Variants in OR2L5 observed in about 807,000 individuals in gnomAD.
OR2L5 encodes olfactory receptor 2L5.
For missense variants in OR2L5, 413 were observed against 381.6 expected (o/e 1.08, Z -0.69); for synonymous variants, 169 against 142.0 (o/e 1.19, Z -1.35).
Position 248,022,626 on chromosome 1 carries a change from A to T in OR2L5, c.679A>T (p.Met227Leu). Residue 227 changes from methionine to leucine, a missense_variant, in exon 2 of 2, where the codon ATG becomes TTG. By Grantham distance (15) the Met-to-Leu change is conservative (BLOSUM62 2). Transcript: ENST00000355281. ...YGWVLLAVYR[M>L]HSAEGRKKAY... ...CTGGGTTCTCCTTGCTGTCTACCGC[A>T]TGCACTCTGCAGAAGGGAGGAAAAA... is the stretch of plus-strand genomic sequence containing the variant. 1 of 1,614,106 alleles carries T rather than the reference A, an allele frequency of 6.2e-7. No individual in the cohort carries two copies. The highest frequency in any genetic ancestry group is 8.5e-7 in the Non-Finnish European group (1 of 1,179,998).
chr1:248,017,265 T>C (rs1196632475), intron 1 of OR2L5, among the ~76,000 whole-genome samples: 1 of 152,192 alleles, frequency 6.6e-6, no homozygotes, highest in Non-Finnish European at 1.5e-5. Flanking sequence ...CCTGTTTGGA[T>C]TTATTTTTAC....
chr1:248,022,106 T>A lies in OR2L5; in HGVS notation c.159T>A (p.His53Gln). Residue 53 changes from histidine (H) to glutamine (Q), a missense_variant, in exon 2 of 2, where the codon CAT becomes CAA. Physicochemically the swap from His to Gln is conservative, Grantham distance 24 (BLOSUM62 0). Transcript: ENST00000355281. ...TTCTTCTCATCTTCTTGGACACCCATCTCCACACACCCATGTATTTCCTGC... is the reference window on the plus strand; with the variant it reads ...TTCTTCTCATCTTCTTGGACACCCAACTCCACACACCCATGTATTTCCTGC... ...SMILLIFLDT[H>Q]LHTPMYFLLS... 1.9e-6 allele frequency: 3 copies of A among 1,613,916 alleles called. No individual in the cohort carries two copies. In the Admixed American group the frequency reaches 5.0e-5, roughly 27 times the overall value.
At chr1:248,019,738 T>A (rs1176273689) in intron 1 of OR2L5, among the ~76,000 whole-genome samples, 2 of 105,140 alleles carry the variant, frequency 1.9e-5, no homozygotes, top group African/African-American at 7.7e-5. Flanking sequence ...CCTTCCTTCC[T>A]TCTCCTTCTC....
At chr1:248,021,644 A>G (rs1017624278) in intron 1 of OR2L5, among the ~76,000 whole-genome samples, 3 of 152,230 alleles carry the variant, frequency 2.0e-5, no homozygotes, top group African/African-American at 7.2e-5. Flanking sequence ...CAGTACAACG[A>G]GGTATTTTGA....
chr1:248,017,761 GA>G (rs1267240817), intron 1 of OR2L5, among the ~76,000 whole-genome samples: 2 of 152,124 alleles, frequency 1.3e-5, no homozygotes, highest in African/African-American at 4.8e-5. Flanking sequence ...CTCCTAGTGG[GA>G]TGGAGTTCTG....
intron 1 of OR2L5, among the ~76,000 whole-genome samples, chr1:248,019,042 G>A (rs1281221122): frequency 6.6e-6 from 1 of 152,034 alleles, no homozygotes; most frequent in Non-Finnish European, 1.5e-5. Flanking sequence ...TGATTTCTCT[G>A]TGGACGGACA....
At chr1:248,016,968 G>T (rs1662214774) in intron 1 of OR2L5, among the ~76,000 whole-genome samples, 1 of 152,074 alleles carries the variant, frequency 6.6e-6, no homozygotes, top group South Asian at 2.1e-4. Flanking sequence ...CTGACATATT[G>T]CAAGTGCCAG....
At position 248,022,198 on chromosome 1, in the gene OR2L5, T is replaced by C; in HGVS notation, c.251T>C (p.Phe84Ser). Residue 84 changes from phenylalanine (F) to serine (S), a missense_variant, in exon 2 of 2, where the codon TTT becomes TCT. Phe to Ser is a radical substitution (Grantham distance 155, BLOSUM62 -2). Transcript: ENST00000355281. ...ATTGTTCCTAAGATGGCTTCTGATT[T>C]TCTGTATGGAAACAAGTCTATCTCC... ...STIVPKMASD[F>S]LYGNKSISFI... 2 of 1,614,128 alleles carry C rather than the reference T, an allele frequency of 1.2e-6. No individual in the cohort carries two copies. Among genetic ancestry groups the C allele is most frequent in the South Asian group, 1.1e-5 (1 of 91,080 alleles).
chr1:248,023,079 T>C lies in OR2L5; in HGVS notation c.*193T>C. 1.9e-6 allele frequency: 1 copy of C among 517,212 alleles called. No individual in the cohort carries two copies. Among genetic ancestry groups the C allele is most frequent in the South Asian group, 3.8e-5 (1 of 26,576 alleles). 32.0% of individuals were successfully genotyped at this position (517,212 alleles called of 1,614,324 possible). ...ATTTTGTTTCTGTTTGTGTTTCTTT[T>C]TATCAAAAGACAGATCATATATTTT... On this transcript the variant is annotated 3_prime_UTR_variant, in exon 2 of 2. Coordinates refer to ENST00000355281, the MANE Select transcript of OR2L5 (RefSeq NM_001258284.2).
intron 1 of OR2L5, among the ~76,000 whole-genome samples, chr1:248,016,934 T>C (rs1390577623): frequency 6.6e-6 from 1 of 152,146 alleles, no homozygotes; most frequent in Non-Finnish European, 1.5e-5. Flanking sequence ...TAGGATTAAA[T>C]CTAATGGAAT....
In OR2L5 at chr1:248,022,832, G is replaced by C; in HGVS notation, c.885G>C (p.Glu295Asp). The change falls in exon 2 of 2, where the codon GAG (glutamate) becomes GAC (aspartate). Residue 295 changes from glutamate (E) to aspartate (D), a missense_variant. Transcript: ENST00000355281. ...TCATCTACAGCCTGAGAAACAAGGA[G>C]GTGATGGGGGCCCTGACACGAGTGA... Reference protein sequence around the residue: ...NPIIYSLRNKEVMGALTRVIQ... With the variant: ...NPIIYSLRNKDVMGALTRVIQ... 1.2e-6 allele frequency: 2 copies of C among 1,613,668 alleles called. No homozygotes were observed.
rs1364053096 is a variant in OR2L5 at position 248,024,094 on chromosome 1, G to C, written c.*1208G>C. 1.1e-4 allele frequency: 17 copies of C among 151,896 alleles called. No individual in the cohort carries two copies. The highest frequency in any genetic ancestry group is 1.1e-3 in the Admixed American group (17 of 15,214). 9.4% of individuals were successfully genotyped at this position (151,896 alleles called of 1,614,324 possible). On this transcript the variant is annotated 3_prime_UTR_variant, in exon 2 of 2. Transcript: ENST00000355281. ...GGGTTCTGGCATATGTGAGCAGAAC[G>C]TGCAGGTTTGTTACACAGGTATACA... is the stretch of plus-strand genomic sequence containing the variant.
At chr1:248,020,820 A>T (rs1461114739) in intron 1 of OR2L5, among the ~76,000 whole-genome samples, 1 of 151,382 alleles carries the variant, frequency 6.6e-6, no homozygotes, top group African/African-American at 2.4e-5. Context: ...ATTTTTTATT[A>T]TACTTTAACT....
In OR2L5 at chr1:248,023,200, G is replaced by A; in HGVS notation, c.*314G>A. The A allele has an allele frequency of 5.7e-6, 1 of 176,024 alleles. No individual in the cohort carries two copies. 10.9% of individuals were successfully genotyped at this position (176,024 alleles called of 1,614,324 possible). The stretch of plus-strand genomic sequence containing the variant: ...ATATCATTCAGCATAATAGTTATAT[G>A]TTAATTGTTTCCCATTATTATTAAA... On this transcript the variant is annotated 3_prime_UTR_variant, in exon 2 of 2. Coordinates refer to ENST00000355281, the MANE Select transcript of OR2L5 (RefSeq NM_001258284.2).
Position 248,022,596 on chromosome 1 carries a change from T to A in OR2L5, c.649T>A (p.Tyr217Asn). The A allele has an allele frequency of 1.9e-6, 3 of 1,614,220 alleles. No homozygotes were observed. Among genetic ancestry groups the A allele is most frequent in the African/African-American group, 1.3e-5 (1 of 75,070 alleles). The change falls in exon 2 of 2, where the codon TAT (tyrosine) becomes AAT (asparagine). Residue 217 changes from tyrosine to asparagine, a missense_variant. Coordinates refer to ENST00000355281, the MANE Select transcript of OR2L5 (RefSeq NM_001258284.2). ...TCCCTTCACTGGCATTGCGTGTTCC[T>A]ATGGCTGGGTTCTCCTTGCTGTCTA... Reference protein sequence around the residue: ...VFPFTGIACSYGWVLLAVYRM... With the variant: ...VFPFTGIACSNGWVLLAVYRM...
Position 248,023,205 on chromosome 1 carries a change from T to G in OR2L5, c.*319T>G, listed in dbSNP as rs1322109191. ...ATTCAGCATAATAGTTATATGTTAA[T>G]TGTTTCCCATTATTATTAAAATAAG... On this transcript the variant is annotated 3_prime_UTR_variant, in exon 2 of 2. Coordinates refer to ENST00000355281, the MANE Select transcript of OR2L5 (RefSeq NM_001258284.2). 2 of 171,942 alleles carry G rather than the reference T, an allele frequency of 1.2e-5. No homozygotes were observed. The highest frequency in any genetic ancestry group is 2.5e-5 in the Non-Finnish European group (2 of 80,528). The allele number at this position is 171,942 out of a possible 1,614,324, so 10.7% of individuals were successfully genotyped here. A position where few individuals can be genotyped will look rare whatever the true frequency, so the allele number is the denominator to read the frequency against.
chr1:248,021,827 G>A (rs1164282474), intron 1 of OR2L5, 100 bp from the exon 2 acceptor site: 1 of 693,430 alleles, frequency 1.4e-6, no homozygotes, highest in Admixed American at 2.6e-5. Context: ...AGGGTTCAGT[G>A]TCAACTGCAA....
Position 248,017,565 on chromosome 1 carries a change from T to G in OR2L5, c.-22+3827T>G, listed in dbSNP as rs568715409. 1.1e-3 allele frequency among the ~76,000 whole-genome samples: 161 copies of G among 152,354 alleles called. 1 individual carries two copies. Among genetic ancestry groups the G allele is most frequent in the African/African-American group, 3.7e-3 (153 of 41,590 alleles). Reference sequence around the variant, plus strand: ...TTAGCTGAGGGGAAGCAGGACAGGCTTCTGCCTTATTGGGAAGTGCTTCCC... The same window carrying G: ...TTAGCTGAGGGGAAGCAGGACAGGCGTCTGCCTTATTGGGAAGTGCTTCCC... On this transcript the variant is annotated intron_variant, in intron 1 of 1. Coordinates refer to ENST00000355281, the MANE Select transcript of OR2L5 (RefSeq NM_001258284.2).
chr1:248,020,850 A>G (rs2103077336), intron 1 of OR2L5, among the ~76,000 whole-genome samples: 1 of 151,540 alleles, frequency 6.6e-6, no homozygotes, highest in South Asian at 2.1e-4. Flanking sequence ...CATGTGCACA[A>G]CATGCTTTGC....
Sources: allele counts gnomAD v4.1 joint callset (sites outside exome capture counted in the v4.1 genomes callset), GRCh38; gene constraint gnomAD v4.1.1; transcripts MANE v1.5; gene names NCBI Gene and HGNC (gene_info 2026-07-23, HGNC 2026-07-21).